TMEM108: variants seen among roughly 807,000 people sequenced by gnomAD.
TMEM108 encodes transmembrane protein 108.
In TMEM108, 12 loss-of-function variants were observed where a neutral mutation model predicts 35.1. That is an observed-to-expected ratio of 0.34 (90% CI 0.22 to 0.55). The LOEUF (loss-of-function observed/expected upper bound fraction) is 0.55. TMEM108 is among the 20% of genes least tolerant of loss of function. The pLI, the probability that TMEM108 is intolerant of heterozygous loss-of-function variation, is 0.89. For missense variants in TMEM108, 680 were observed against 753.3 expected (o/e 0.90, Z 1.14); for synonymous variants, 287 against 308.6 (o/e 0.93, Z 0.73).
chr3:133,391,792 G>A (rs2670179), intron 5 of TMEM108, among the ~76,000 whole-genome samples: 47,213 of 152,022 alleles, frequency 0.31, 8,567 homozygotes, highest in East Asian at 0.42. Flanking sequence ...CTTCCTCAGC[G>A]AGGCCTTCCT....
chr3:133,065,020 C>G (rs78964345), intron 2 of TMEM108, among the ~76,000 whole-genome samples: 4,198 of 152,214 alleles, frequency 0.028, 102 homozygotes, highest in South Asian at 0.061. Context: ...CCCCTTCCAG[C>G]CTGTAAACTT....
intron 2 of TMEM108, among the ~76,000 whole-genome samples, chr3:133,056,288 T>C (rs79024109): frequency 0.025 from 3,821 of 152,298 alleles, 78 homozygotes; most frequent in South Asian, 0.061. Flanking sequence ...CGTTCTCTCC[T>C]CCCTGTGTAC....
At chr3:133,058,132 A>G (rs1943495086) in intron 2 of TMEM108, among the ~76,000 whole-genome samples, 1 of 152,250 alleles carries the variant, frequency 6.6e-6, no homozygotes, top group Admixed American at 6.5e-5. Flanking sequence ...GTACCAGGAA[A>G]AAAAAGTAAA....
At chr3:133,306,098 TTTAA>T (rs1271158208) in intron 3 of TMEM108, among the ~76,000 whole-genome samples, 1 of 152,198 alleles carries the variant, frequency 6.6e-6, no homozygotes, top group East Asian at 1.9e-4. Context: ...CACAAAACTT[TTTAA>T]TTTTTATTGA....
At chr3:133,287,809 T>C (rs984846734) in intron 3 of TMEM108, among the ~76,000 whole-genome samples, 1 of 152,200 alleles carries the variant, frequency 6.6e-6, no homozygotes, top group Non-Finnish European at 1.5e-5. Flanking sequence ...AATAAAAATA[T>C]ATAGATCAAT....
In TMEM108 at chr3:133,168,865, A is replaced by G. The variant is rs1438539519; in HGVS notation, c.-46-60401A>G. 2.0e-5 allele frequency among the ~76,000 whole-genome samples: 3 copies of G among 152,202 alleles called. No individual in the cohort carries two copies. In the East Asian group the frequency reaches 5.8e-4, roughly 29 times the overall value. ...CTTCACTCCTGAGGCCAGCGAGACC[A>G]CAAACCCACCGGGAGGAAGGAACAA... On this transcript the variant is annotated intron_variant, in intron 2 of 5. Coordinates refer to ENST00000321871, the MANE Select transcript of TMEM108 (RefSeq NM_023943.4).
At chr3:133,394,175 T>C (rs537882400) in intron 5 of TMEM108, among the ~76,000 whole-genome samples, 1 of 152,290 alleles carries the variant, frequency 6.6e-6, no homozygotes, top group African/African-American at 2.4e-5. Context: ...TCTAGAGCAA[T>C]CATAAGGTCC....
chr3:133,343,593 T>C (rs1024287565), intron 3 of TMEM108, among the ~76,000 whole-genome samples: 1 of 151,784 alleles, frequency 6.6e-6, no homozygotes, highest in Non-Finnish European at 1.5e-5. Flanking sequence ...AAATCTTAAG[T>C]AGATTTTGTT....
In TMEM108 at chr3:133,245,440, C is replaced by T. The variant is rs1011479022; in HGVS notation, c.40+16089C>T. Among the ~76,000 whole-genome samples the T allele has an allele frequency of 2.0e-5, 3 of 152,236 alleles. No individual in the cohort carries two copies. In the South Asian group the frequency reaches 6.2e-4, roughly 32 times the overall value. ...GGGTGGCTCCCTGCTGTTCAGATTA[C>T]AGCCCCAGGACCTCCCCACAGCAGT... is the stretch of plus-strand genomic sequence containing the variant. On this transcript the variant is annotated intron_variant, in intron 3 of 5. Coordinates refer to ENST00000321871, the MANE Select transcript of TMEM108 (RefSeq NM_023943.4).
chr3:133,123,433 C>T (rs374595281), intron 2 of TMEM108, among the ~76,000 whole-genome samples: 1 of 152,134 alleles, frequency 6.6e-6, no homozygotes, highest in African/African-American at 2.4e-5. Flanking sequence ...AAATGGCTGC[C>T]CTAATTTATA....
intron 3 of TMEM108, among the ~76,000 whole-genome samples, chr3:133,314,697 A>G (rs2071175036): frequency 6.6e-6 from 1 of 152,244 alleles, no homozygotes; most frequent in Admixed American, 6.5e-5. Flanking sequence ...GCTTTGTAGC[A>G]TGGAATCCAT....
chr3:133,276,888 C>T (rs187598032), intron 3 of TMEM108, among the ~76,000 whole-genome samples: 7 of 152,234 alleles, frequency 4.6e-5, no homozygotes, highest in Admixed American at 4.6e-4. Flanking sequence ...TTATGTGTCC[C>T]AGAGAGAGTC....
intron 4 of TMEM108, chr3:133,386,437 C>T: frequency 6.5e-7 from 1 of 1,536,150 alleles, no homozygotes. Flanking sequence ...ATCCTATCAC[C>T]TGAAAGCATG....
At chr3:133,045,171 T>C (rs1416832648) in intron 1 of TMEM108, among the ~76,000 whole-genome samples, 1 of 152,114 alleles carries the variant, frequency 6.6e-6, no homozygotes, top group Non-Finnish European at 1.5e-5. Flanking sequence ...GGTTTCACCA[T>C]GTTAGCCAGG....
At chr3:133,317,418 G>C (rs2071212983) in intron 3 of TMEM108, among the ~76,000 whole-genome samples, 1 of 152,106 alleles carries the variant, frequency 6.6e-6, no homozygotes, top group Non-Finnish European at 1.5e-5. Flanking sequence ...GAAGATCTTG[G>C]CATGTATCAA....
At chr3:133,301,158 C>T (rs1490846894) in intron 3 of TMEM108, among the ~76,000 whole-genome samples, 2 of 152,210 alleles carry the variant, frequency 1.3e-5, no homozygotes, top group South Asian at 2.1e-4. Context: ...CCTTTGATGC[C>T]AAGTACACAT....
intron 3 of TMEM108, among the ~76,000 whole-genome samples, chr3:133,240,706 C>G (rs1320823417): frequency 6.6e-6 from 1 of 152,196 alleles, no homozygotes; most frequent in Non-Finnish European, 1.5e-5. Context: ...GCACAGAGTG[C>G]TTCAGCTCCC....
intron 2 of TMEM108, among the ~76,000 whole-genome samples, chr3:133,110,961 A>G (rs1944217214): frequency 6.6e-6 from 1 of 152,182 alleles, no homozygotes; most frequent in Non-Finnish European, 1.5e-5. Flanking sequence ...CTCAACATGG[A>G]AAGATTTGAA....
chr3:133,058,073 T>A (rs1000678384), intron 2 of TMEM108, among the ~76,000 whole-genome samples: 2 of 144,276 alleles, frequency 1.4e-5, no homozygotes, highest in Non-Finnish European at 3.0e-5. Flanking sequence ...CACGTTGGAT[T>A]TTTTTTTAAC....
Sources: gnomAD v4.1 joint callset for allele counts (sites outside exome capture counted in the v4.1 genomes callset) on GRCh38, gnomAD v4.1.1 for gene constraint, MANE v1.5 for transcripts, NCBI Gene and HGNC (gene_info 2026-07-23, HGNC 2026-07-21) for gene names.